ATG16L2: variants seen among roughly 807,000 people sequenced by gnomAD.
The protein encoded by ATG16L2 is protein Atg16l2.
ATG16L2 carries 77 observed loss-of-function variants against 84.7 expected under a neutral mutation model. The ratio of observed to expected loss-of-function variants is 0.91; its 90% CI spans 0.76 to 1.10. The LOEUF (loss-of-function observed/expected upper bound fraction) is 1.10, where lower values mean the gene tolerates loss of function less well. Among genes scored for constraint, ATG16L2 ranks in the 50% least tolerant of loss-of-function variants. The pLI is 0.00. For missense variants in ATG16L2, 782 were observed against 817.6 expected (o/e 0.96, Z 0.53); for synonymous variants, 361 against 342.8 (o/e 1.05, Z -0.59).
At chr11:72,815,291 A>G (rs7939267) in intron 1 of ATG16L2, among the ~76,000 whole-genome samples, 4,955 of 152,292 alleles carry the variant, frequency 0.033, 270 homozygotes, top group African/African-American at 0.11. Flanking sequence ...TCTAACCACA[A>G]TCCCTGCGGC....
intron 7 of ATG16L2, 117 bp downstream of exon 7, chr11:72,823,078 G>C: frequency 2.9e-6 from 2 of 698,052 alleles, no homozygotes; most frequent in Non-Finnish European, 4.7e-6. Context: ...CTTGAGGAGA[G>C]GCCAGAAAGC....
At chr11:72,824,950 G>A in intron 9 of ATG16L2, 108 bp downstream of exon 9, 2 of 915,718 alleles carry the variant, frequency 2.2e-6, no homozygotes, top group Non-Finnish European at 3.2e-6. Flanking sequence ...AGCAAGGCTG[G>A]GCTCCTCAGC....
At chr11:72,829,266 T>C (rs1860540011) in intron 17 of ATG16L2, 37 bp from the exon 18 acceptor site, 2 of 1,605,316 alleles carry the variant, frequency 1.2e-6, no homozygotes, top group East Asian at 4.5e-5. Flanking sequence ...GCGCAGTTCC[T>C]GAAGCCCCCC....
intron 14 of ATG16L2, among the ~76,000 whole-genome samples, chr11:72,828,110 A>T (rs1860470994): frequency 6.6e-6 from 1 of 152,176 alleles, no homozygotes; most frequent in African/African-American, 2.4e-5. Flanking sequence ...TATGGTTCTT[A>T]TTTAGTGACC....
rs557811644 is a variant in ATG16L2, at chr11:72,826,071, C to T, written c.1103-102C>T. On this transcript the variant is annotated intron_variant, in intron 10 of 17. Coordinates refer to ENST00000321297, the MANE Select transcript of ATG16L2 (RefSeq NM_033388.2). ...TCTGTCTTCTAACCTGGGGATGTGT[C>T]GGGGGGTGGGGCGGGAACTGATCTT... 55 of 947,092 alleles carry T rather than the reference C, an allele frequency of 5.8e-5. 1 individual carries two copies. The Middle Eastern group carries it at 8.6e-4, about 15-fold the overall frequency. 58.7% of individuals were successfully genotyped at this position (947,092 alleles called of 1,614,324 possible). A position where few individuals can be genotyped will look rare whatever the true frequency, so the allele number is the denominator to read the frequency against.
chr11:72,842,224 A>AC (rs1860979145), intron 5 of ATG16L2, among the ~76,000 whole-genome samples: 1 of 152,222 alleles, frequency 6.6e-6, no homozygotes, highest in Non-Finnish European at 1.5e-5. Context: ...CAGGACCTGG[A>AC]CTAGGCAAGG....
chr11:72,827,250 ATTAG>A lies in ATG16L2; in HGVS notation c.1431_1434del (p.Ile477MetfsTer31). On this transcript the variant is annotated frameshift_variant, in exon 14 of 18. Transcript: ENST00000321297. LOFTEE classifies it high-confidence loss of function. ...CGTGGTGTGTGGGGACCATATCATCATTAGTGGCCACAATGACCAGAAGATCCGG... is the reference window on the plus strand; with the variant it reads ...CGTGGTGTGTGGGGACCATATCATCATGGCCACAATGACCAGAAGATCCGG... 6.2e-7 allele frequency: 1 copy of A among 1,614,050 alleles called. No individual in the cohort carries two copies. The highest frequency in any genetic ancestry group is 8.5e-7 in the Non-Finnish European group (1 of 1,179,996).
intron 12 of ATG16L2, 32 bp from the exon 13 acceptor site, chr11:72,826,671 A>T (rs1372253689): frequency 6.2e-7 from 1 of 1,613,730 alleles, no homozygotes. Context: ...TCTTGGCCAA[A>T]CTCTTGATCC....
chr11:72,841,476 A>T (rs1199908300), intron 5 of ATG16L2: 1 of 1,610,262 alleles, frequency 6.2e-7, no homozygotes, highest in Non-Finnish European at 8.5e-7. Flanking sequence ...GAGACCGGGG[A>T]AAGTACAGGG....
In ATG16L2 at chr11:72,821,751, G is replaced by T; in HGVS notation, c.392+10G>T. On this transcript the variant is annotated intron_variant, in intron 4 of 17. Coordinates refer to ENST00000321297, the MANE Select transcript of ATG16L2 (RefSeq NM_033388.2). ...AGCAGAGGCAAAGCAGGTGAGGCGC[G>T]GGCGGGGGCGGGAGGGACCGCGCCC... 1 of 1,534,690 alleles carries T rather than the reference G, an allele frequency of 6.5e-7. No individual in the cohort carries two copies. Among genetic ancestry groups the T allele is most frequent in the South Asian group, 1.2e-5 (1 of 83,754 alleles).
chr11:72,820,232 A>G (rs1226814471), intron 3 of ATG16L2: 3 of 152,164 alleles, frequency 2.0e-5, no homozygotes, highest in Non-Finnish European at 2.9e-5. Flanking sequence ...AGTACCCACA[A>G]CCAGGAAACT....
chr11:72,842,958 G>T, exon 6 of ATG16L2: 2 of 951,210 alleles, frequency 2.1e-6, no homozygotes, highest in Non-Finnish European at 3.1e-6. Flanking sequence ...GATTAAAGTT[G>T]TAATTTTTTT....
intron 7 of ATG16L2, chr11:72,823,221 G>A: frequency 2.4e-6 from 1 of 425,124 alleles, no homozygotes; most frequent in Non-Finnish European, 4.3e-6. Flanking sequence ...TGGGGAGTCA[G>A]GCTTCTGAAT....
rs1253637582 is a variant in ATG16L2, at chr11:72,838,869, C to T, written c.*22-3748C>T. 3.1e-6 allele frequency: 5 copies of T among 1,599,720 alleles called. No individual in the cohort carries two copies. In the South Asian group the frequency reaches 3.4e-5, roughly 11 times the overall value. Reference sequence around the variant, plus strand: ...TCTGTGTAGGTGGAGGGGGAGCTGCCCGGACCTGAGCAGGAAACAATTACG... The same window carrying T: ...TCTGTGTAGGTGGAGGGGGAGCTGCTCGGACCTGAGCAGGAAACAATTACG... On this transcript the variant is annotated intron_variant, in intron 5 of 5. Transcript: ENST00000534905.
chr11:72,841,042 C>T, intron 5 of ATG16L2: 2 of 1,026,626 alleles, frequency 1.9e-6, no homozygotes, highest in Admixed American at 1.9e-5. Flanking sequence ...GTGGCTTGAG[C>T]CTGTAATCCC....
intron 5 of ATG16L2, among the ~76,000 whole-genome samples, chr11:72,835,169 G>A (rs1860697945): frequency 6.6e-6 from 1 of 152,240 alleles, no homozygotes; most frequent in South Asian, 2.1e-4. Context: ...GTCACAGACG[G>A]AACCTCCAGT....
At position 72,822,625 on chromosome 11, in the gene ATG16L2, T is replaced by C; in HGVS notation, c.710+82T>C. The stretch of plus-strand genomic sequence containing the variant: ...CTGCGGCGACCCAGGCTGCCGACTG[T>C]ACTTGTGCACAGCCCCGTCCTGAGG... On this transcript the variant is annotated intron_variant, in intron 6 of 17. Coordinates refer to ENST00000321297, the MANE Select transcript of ATG16L2 (RefSeq NM_033388.2). The surrounding 1 kb of genome is among the most constrained non-coding windows in gnomAD (Gnocchi z 4.2). 1.9e-6 allele frequency: 3 copies of C among 1,549,756 alleles called. No homozygotes were observed. The highest frequency in any genetic ancestry group is 2.6e-6 in the Non-Finnish European group (3 of 1,141,624).
At chr11:72,838,929 A>G in intron 5 of ATG16L2, 1 of 1,494,066 alleles carries the variant, frequency 6.7e-7, no homozygotes, top group South Asian at 1.2e-5. Flanking sequence ...CAGTATCTGA[A>G]GCATCCCCAA....
At position 72,822,153 on chromosome 11, in the gene ATG16L2, G is replaced by A. The variant is rs930896831; in HGVS notation, c.502G>A (p.Glu168Lys). Residue 168 changes from glutamate to lysine, a missense_variant, in exon 5 of 18, where the codon GAG becomes AAG. Coordinates refer to ENST00000321297, the MANE Select transcript of ATG16L2 (RefSeq NM_033388.2). The surrounding 1 kb of genome is among the most constrained non-coding windows in gnomAD (Gnocchi z 4.2). ...GAATGCGGTGCAGCGGGCAGCCTAC[G>A]AGGCGCTGCGCGCGCACGTCGGGCT... Reference protein sequence around the residue: ...AQNAVQRAAYEALRAHVGLRE... With the variant: ...AQNAVQRAAYKALRAHVGLRE... 1.3e-6 allele frequency: 2 copies of A among 1,491,734 alleles called. No homozygotes were observed. The highest frequency in any genetic ancestry group is 1.5e-5 in the African/African-American group (1 of 68,958). 92.4% of individuals were successfully genotyped at this position (1,491,734 alleles called of 1,614,324 possible). A position where few individuals can be genotyped will look rare whatever the true frequency, so the allele number is the denominator to read the frequency against.
Sources: allele counts gnomAD v4.1 joint callset (sites outside exome capture counted in the v4.1 genomes callset), GRCh38; gene constraint gnomAD v4.1.1; non-coding constraint Gnocchi (gnomAD v3.1); transcripts MANE v1.5; gene names NCBI Gene and HGNC (gene_info 2026-07-23, HGNC 2026-07-21).